The following ABCA1 variants were observed in gnomAD, a reference collection of about 807,000 sequenced individuals.
The protein encoded by ABCA1 is ATP binding cassette subfamily A member 1, also known as phospholipid-transporting ATPase ABCA1.
A neutral mutation model predicts 262.5 loss-of-function variants in ABCA1; 133 were observed. That is an observed-to-expected ratio of 0.51 (90% CI 0.44 to 0.59). ABCA1 has a LOEUF of 0.59. ABCA1 is among the 20% of genes least tolerant of loss of function. The pLI is 0.00. For synonymous variants in ABCA1, 1,022 were observed against 1,043.5 expected (o/e 0.98, Z 0.40); for missense variants, 2,452 against 2,777.5 (o/e 0.88, Z 2.63).
chr9:104,802,193 G>A (rs2118898888), intron 33 of ABCA1, 34 bp from the exon 34 acceptor site: 3 of 1,569,866 alleles, frequency 1.9e-6, no homozygotes, highest in Admixed American at 3.3e-5. Context: ...AACCCAGACA[G>A]TGGGGTGCAC....
intron 22 of ABCA1, among the ~76,000 whole-genome samples, 190 bp from the exon 23 acceptor site, chr9:104,819,073 G>C (rs1450751638): frequency 2.0e-5 from 3 of 152,238 alleles, no homozygotes; most frequent in Non-Finnish European, 4.4e-5. Flanking sequence ...CATCCTCACA[G>C]AGGTAAGAAC....
At position 104,840,435 on chromosome 9, in the gene ABCA1, T is replaced by C; in HGVS notation, c.898A>G (p.Ile300Val). The change falls in exon 9 of 50, where the codon ATC becomes GTC. Residue 300 changes from isoleucine to valine, a missense_variant. Ile to Val is a conservative substitution (Grantham distance 29). Coordinates refer to ENST00000374736, the MANE Select transcript of ABCA1 (RefSeq NM_005502.4). The stretch of plus-strand genomic sequence containing the variant: ...ACAATACGAGACACAGCCTGGTAGA[T>C]TTGGGTGGAGGAGCTGGAGCTGTTC... ...NVNSSSSSTQ[I>V]YQAVSRIVCG... 6.2e-7 allele frequency: 1 copy of C among 1,614,022 alleles called. No individual in the cohort carries two copies. The highest frequency in any genetic ancestry group is 1.1e-5 in the South Asian group (1 of 91,072).
chr9:104,835,235 A>C (rs2119017512), intron 11 of ABCA1, among the ~76,000 whole-genome samples: 1 of 148,190 alleles, frequency 6.7e-6, no homozygotes, highest in South Asian at 2.2e-4. Context: ...GTGACAGAGC[A>C]AGACTCTGTC....
intron 2 of ABCA1, 150 bp downstream of exon 2, chr9:104,903,464 C>T: frequency 1.2e-6 from 1 of 850,754 alleles, no homozygotes; most frequent in Non-Finnish European, 1.9e-6. Context: ...ATCCGGACCA[C>T]ACAGTCCTGT....
chr9:104,837,276 C>T (rs2119024022), intron 10 of ABCA1, 152 bp downstream of exon 10: 1 of 1,189,480 alleles, frequency 8.4e-7, no homozygotes, highest in South Asian at 1.4e-5. Context: ...GCTGGCCCAG[C>T]TCTGGTCTGC....
At chr9:104,855,980 G>C in intron 7 of ABCA1, 2 of 1,612,898 alleles carry the variant, frequency 1.2e-6, no homozygotes, top group Non-Finnish European at 1.7e-6. Context: ...ATTGAAAGAA[G>C]AGTTTCTCTC....
Position 104,837,549 on chromosome 9 carries a change from A to C in ABCA1, c.1073T>G (p.Leu358Trp), listed in dbSNP as rs1833932322. The C allele has an allele frequency of 1.9e-6, 3 of 1,614,120 alleles. No individual in the cohort carries two copies. The East Asian group carries it at 6.7e-5, about 36-fold the overall frequency. ...DNSTTPYCND[L>W]MKNLESSPLS... Reference sequence around the variant, plus strand: ...AGGACTAGACTCCAAATTCTTCATCAAATCATTGCAGTAAGGAGCTATGAA... The same window carrying C: ...AGGACTAGACTCCAAATTCTTCATCCAATCATTGCAGTAAGGAGCTATGAA... Residue 358 changes from leucine to tryptophan, a missense_variant, in exon 10 of 50, where the codon TTG becomes TGG. Physicochemically the swap from Leu to Trp is moderately conservative, Grantham distance 61. Coordinates refer to ENST00000374736, the MANE Select transcript of ABCA1 (RefSeq NM_005502.4).
intron 1 of ABCA1, among the ~76,000 whole-genome samples, chr9:104,908,190 G>A (rs1009054988): frequency 2.6e-5 from 4 of 152,046 alleles, no homozygotes; most frequent in African/African-American, 9.7e-5. Flanking sequence ...AATACACTGT[G>A]GAATTGTAAA....
chr9:104,852,369 A>G (rs1253068998), intron 7 of ABCA1, among the ~76,000 whole-genome samples: 2 of 152,250 alleles, frequency 1.3e-5, no homozygotes, highest in Non-Finnish European at 2.9e-5. Context: ...TCTAAGGAAT[A>G]TTCTAATCTT....
rs1232298897 is a variant in ABCA1, at chr9:104,903,653, C to G, written c.27G>C (p.Leu9Phe). 1 of 1,588,876 alleles carries G rather than the reference C, an allele frequency of 6.3e-7. No individual in the cohort carries two copies. The highest frequency in any genetic ancestry group is 1.1e-5 in the South Asian group (1 of 87,370). Reference sequence around the variant, plus strand: ...TGAAAGTGAGGTTCTTCCACAGCAGCAACCTCAGCTGAGGCCAACAAGCCA... The same window carrying G: ...TGAAAGTGAGGTTCTTCCACAGCAGGAACCTCAGCTGAGGCCAACAAGCCA... The part of the protein sequence containing the change: MACWPQLR[L>F]LLWKNLTFRR... The change falls in exon 2 of 50, where the codon TTG (leucine) becomes TTC (phenylalanine). Residue 9 changes from leucine (L) to phenylalanine (F), a missense_variant. Coordinates refer to ENST00000374736, the MANE Select transcript of ABCA1 (RefSeq NM_005502.4).
chr9:104,891,247 G>A (rs191145384), intron 2 of ABCA1, among the ~76,000 whole-genome samples: 38 of 152,140 alleles, frequency 2.5e-4, no homozygotes, highest in African/African-American at 8.0e-4. Flanking sequence ...CCTTTGATAT[G>A]GTTCTACATT....
intron 5 of ABCA1, among the ~76,000 whole-genome samples, chr9:104,868,368 A>C (rs1167395218): frequency 6.6e-6 from 1 of 151,992 alleles, no homozygotes; most frequent in Non-Finnish European, 1.5e-5. Context: ...ACAAACAAAC[A>C]AAAAAAACGG....
At chr9:104,820,194 T>C in intron 20 of ABCA1, 125 bp from the exon 21 acceptor site, 1 of 1,223,270 alleles carries the variant, frequency 8.2e-7, no homozygotes. Context: ...AATAACTTTA[T>C]CAATTTCTGA....
At chr9:104,815,444 G>A (rs532721472) in intron 25 of ABCA1, among the ~76,000 whole-genome samples, 1 of 152,104 alleles carries the variant, frequency 6.6e-6, no homozygotes. Flanking sequence ...AGCCTTCAAG[G>A]TCTGTGATGT....
At chr9:104,877,830 C>T (rs1240975209) in intron 5 of ABCA1, among the ~76,000 whole-genome samples, 2 of 152,170 alleles carry the variant, frequency 1.3e-5, no homozygotes, top group Admixed American at 6.5e-5. Flanking sequence ...AATACAAAAC[C>T]CCACACTCAC....
At chr9:104,785,777 AC>A in intron 48 of ABCA1, 138 bp from the exon 49 acceptor site, 1 of 951,820 alleles carries the variant, frequency 1.1e-6, no homozygotes, top group South Asian at 1.5e-5. Context: ...GAGAGAAGGA[AC>A]CAGTTATCAT....
chr9:104,831,804 T>C lies in ABCA1; in HGVS notation c.1533A>G (p.Glu511=), dbSNP rs757378513. The part of the protein sequence containing the change: ...FMECVNLNKL[E]PIATEVWLIN... ...TGAGCCAGACTTCTGTTGCTATGGGTTCTAGCTTGTTCAGGTTGACACACT... is the reference window on the plus strand; with the variant it reads ...TGAGCCAGACTTCTGTTGCTATGGGCTCTAGCTTGTTCAGGTTGACACACT... The change falls in exon 13 of 50, where the codon GAA becomes GAG. Residue 511 remains glutamate (E), a synonymous_variant. Transcript: ENST00000374736. The C allele has an allele frequency of 6.2e-7, 1 of 1,614,120 alleles. No homozygotes were observed. The highest frequency in any genetic ancestry group is 1.1e-5 in the South Asian group (1 of 91,076).
intron 21 of ABCA1, 29 bp from the exon 22 acceptor site, chr9:104,819,752 CA>C: frequency 6.2e-7 from 1 of 1,614,064 alleles, no homozygotes; most frequent in Non-Finnish European, 8.5e-7. Context: ...AGACAAACTC[CA>C]GGACCAGCCC....
chr9:104,814,090 G>C (rs751853260), intron 27 of ABCA1, 28 bp downstream of exon 27: 1 of 1,584,508 alleles, frequency 6.3e-7, no homozygotes, highest in South Asian at 1.1e-5. Context: ...CAAACAGTAG[G>C]ACACTGTTTG....
Sources: allele counts gnomAD v4.1 joint callset (sites outside exome capture counted in the v4.1 genomes callset), GRCh38; gene constraint gnomAD v4.1.1; transcripts MANE v1.5; gene names NCBI Gene and HGNC (gene_info 2026-07-23, HGNC 2026-07-21).